TBC1D32: variants seen among roughly 807,000 people sequenced by gnomAD.
TBC1D32 encodes protein broad-minded.
In TBC1D32, 151 loss-of-function variants were observed where a neutral mutation model predicts 170.3. The ratio of observed to expected loss-of-function variants is 0.89; its 90% CI spans 0.78 to 1.01. The LOEUF (loss-of-function observed/expected upper bound fraction) is 1.01, where lower values mean the gene tolerates loss of function less well. Ranked by LOEUF, TBC1D32 falls within the 50% of genes least tolerant of loss-of-function variation. The pLI is 0.00. For synonymous variants in TBC1D32, 498 were observed against 488.0 expected (o/e 1.02, Z -0.27); for missense variants, 1,464 against 1,457.1 (o/e 1.00, Z -0.08).
intron 26 of TBC1D32, among the ~76,000 whole-genome samples, chr6:121,120,799 T>C (rs140761133): frequency 6.6e-6 from 1 of 152,142 alleles, no homozygotes; most frequent in Non-Finnish European, 1.5e-5. Context: ...GATCAATAGA[T>C]ATCAATTCCT....
At chr6:121,324,190 A>G (rs1364689529) in intron 1 of TBC1D32, among the ~76,000 whole-genome samples, 9 of 152,194 alleles carry the variant, frequency 5.9e-5, no homozygotes, top group African/African-American at 2.2e-4. Flanking sequence ...GATATTTTAT[A>G]GTTGTAAATT....
intron 15 of TBC1D32, among the ~76,000 whole-genome samples, chr6:121,265,653 A>C (rs950024921): frequency 3.3e-5 from 5 of 152,166 alleles, no homozygotes; most frequent in Admixed American, 2.0e-4. Flanking sequence ...ATCTGGAGGC[A>C]TCATGCTACG....
chr6:121,249,803 A>C (rs79714108), intron 17 of TBC1D32, among the ~76,000 whole-genome samples: 3,636 of 152,186 alleles, frequency 0.024, 158 homozygotes, highest in East Asian at 0.12. Context: ...ACAAAAAAAA[A>C]CTACAAAACA....
At chr6:121,321,568 C>A (rs1206752355) in intron 2 of TBC1D32, 65 bp downstream of exon 2, 4 of 1,462,654 alleles carry the variant, frequency 2.7e-6, no homozygotes, top group Non-Finnish European at 3.8e-6. Flanking sequence ...GGACAGAGAT[C>A]AGGGTGCTGT....
intron 22 of TBC1D32, among the ~76,000 whole-genome samples, chr6:121,171,275 C>CA (rs1468760283): frequency 9.1e-6 from 1 of 109,584 alleles, no homozygotes; most frequent in Admixed American, 9.5e-5. Context: ...GTTCAGAAAA[C>CA]AAAAAGTCTT....
At chr6:121,210,998 T>C (rs187428278) in intron 21 of TBC1D32, among the ~76,000 whole-genome samples, 5 of 151,936 alleles carry the variant, frequency 3.3e-5, no homozygotes, top group African/African-American at 9.6e-5. Context: ...AAAAAAAATA[T>C]AGACACACTG....
chr6:121,317,377 T>C, intron 3 of TBC1D32, 118 bp downstream of exon 3: 1 of 716,216 alleles, frequency 1.4e-6, no homozygotes, highest in Non-Finnish European at 2.1e-6. Flanking sequence ...TATTTAGTTT[T>C]ATTATTTTTC....
chr6:121,205,857 T>C (rs1227721345), intron 21 of TBC1D32, among the ~76,000 whole-genome samples: 1 of 152,160 alleles, frequency 6.6e-6, no homozygotes, highest in Non-Finnish European at 1.5e-5. Context: ...ATGATCTAGG[T>C]GCCAGCAGCT....
chr6:121,293,247 A>G (rs964112568), intron 11 of TBC1D32, among the ~76,000 whole-genome samples: 19 of 150,786 alleles, frequency 1.3e-4, no homozygotes, highest in African/African-American at 4.6e-4. Flanking sequence ...ATTACATTTT[A>G]ATATCAAGAA....
chr6:121,329,429 A>G (rs1239351733), intron 1 of TBC1D32, among the ~76,000 whole-genome samples: 1 of 152,212 alleles, frequency 6.6e-6, no homozygotes, highest in African/African-American at 2.4e-5. Flanking sequence ...TGGTGGGCAG[A>G]TCACCTGAGG....
chr6:121,125,938 A>C (rs1267680944), intron 26 of TBC1D32, among the ~76,000 whole-genome samples: 1 of 152,168 alleles, frequency 6.6e-6, no homozygotes, highest in African/African-American at 2.4e-5. Context: ...AGTGAGTTTG[A>C]GGGATTCTGT....
intron 24 of TBC1D32, 115 bp from the exon 25 acceptor site, chr6:121,131,867 A>T: frequency 1.5e-6 from 1 of 680,638 alleles, no homozygotes; most frequent in Non-Finnish European, 2.2e-6. Flanking sequence ...ATGGCTTTCA[A>T]AGGAAAACAG....
rs56704695 is a variant in TBC1D32 at position 121,241,027 on chromosome 6, GA to G, written c.2245+437del. Among the ~76,000 whole-genome samples, 1,158 of 152,214 alleles carry G rather than the reference GA, an allele frequency of 7.6e-3. 20 individuals carry two copies. Among genetic ancestry groups the G allele is most frequent in the African/African-American group, 0.027 (1,110 of 41,536 alleles). ...AAGACAAATGCTTTCAAGAAGAAAA[GA>G]GGGAGAAAGGGAATTAGGAAATGTT... On this transcript the variant is annotated intron_variant, in intron 19 of 31. Coordinates refer to ENST00000398212, the MANE Select transcript of TBC1D32 (RefSeq NM_152730.6).
chr6:121,126,707 A>C (rs1465285395), intron 25 of TBC1D32, among the ~76,000 whole-genome samples: 2 of 152,122 alleles, frequency 1.3e-5, no homozygotes, highest in African/African-American at 2.4e-5. Context: ...TTTTCTTTAG[A>C]TCCTCTAAGA....
chr6:121,175,452 C>G (rs918066834), intron 22 of TBC1D32, among the ~76,000 whole-genome samples: 1 of 152,112 alleles, frequency 6.6e-6, no homozygotes, highest in Non-Finnish European at 1.5e-5. Context: ...TAAAGCTTAG[C>G]AAATTTAATC....
chr6:121,114,623 T>C (rs1457946922), intron 27 of TBC1D32, among the ~76,000 whole-genome samples: 3 of 152,200 alleles, frequency 2.0e-5, no homozygotes, highest in African/African-American at 7.2e-5. Context: ...AATTTGATTC[T>C]GAAGATGACC....
intron 4 of TBC1D32, 149 bp from the exon 5 acceptor site, chr6:121,308,250 T>C (rs1209073194): frequency 2.5e-6 from 2 of 800,270 alleles, no homozygotes; most frequent in Non-Finnish European, 3.8e-6. Context: ...AAAAAGCTCT[T>C]GAGAAATCAT....
chr6:121,289,201 G>A (rs985562272), intron 12 of TBC1D32, among the ~76,000 whole-genome samples: 4 of 152,174 alleles, frequency 2.6e-5, no homozygotes, highest in African/African-American at 9.7e-5. Context: ...ATTAGGAAAA[G>A]AGGAAGGCAA....
chr6:121,251,766 G>A (rs944331807), intron 17 of TBC1D32, among the ~76,000 whole-genome samples: 1 of 152,064 alleles, frequency 6.6e-6, no homozygotes, highest in Non-Finnish European at 1.5e-5. Flanking sequence ...GAGTGAACAG[G>A]CAACCTACAG....
Sources: allele counts gnomAD v4.1 joint callset (sites outside exome capture counted in the v4.1 genomes callset), GRCh38; gene constraint gnomAD v4.1.1; transcripts MANE v1.5; gene names NCBI Gene and HGNC (gene_info 2026-07-23, HGNC 2026-07-21).